Variants in GZMA observed in about 807,000 individuals in gnomAD.
The protein encoded by GZMA is CTL tryptase.
GZMA carries 17 observed loss-of-function variants against 21.1 expected under a neutral mutation model. That is an observed-to-expected ratio of 0.81 (90% CI 0.55 to 1.21). The LOEUF (loss-of-function observed/expected upper bound fraction) is 1.21. GZMA is among the 50% of genes most tolerant of loss of function. The pLI is 0.00. For missense variants in GZMA, 306 were observed against 315.9 expected, an observed-to-expected ratio of 0.97 and a Z score of 0.24; for synonymous variants, 90 against 107.8, an observed-to-expected ratio of 0.83 and a Z score of 1.03.
chr5:55,104,853 GAT>G (rs1238052888), intron 1 of GZMA, among the ~76,000 whole-genome samples: 1 of 152,148 alleles, frequency 6.6e-6, no homozygotes, highest in Non-Finnish European at 1.5e-5. Context: ...AAAGACCTTA[GAT>G]TAAACCCCAT....
At chr5:55,106,303 T>A (rs1407655531) in intron 2 of GZMA, among the ~76,000 whole-genome samples, 1 of 118,312 alleles carries the variant, frequency 8.5e-6, no homozygotes, top group Non-Finnish European at 1.7e-5. Context: ...AAATAAAATA[T>A]AAAATAAAAT....
intron 1 of GZMA, 126 bp from the exon 2 acceptor site, chr5:55,105,348 G>A: frequency 1.4e-6 from 1 of 734,858 alleles, no homozygotes; most frequent in South Asian, 1.9e-5. Flanking sequence ...AGTAAAAGCA[G>A]GGGAAATGCT....
In GZMA at chr5:55,108,224, T is replaced by TG; in HGVS notation, c.461dup (p.Arg155GlnfsTer5). 1 of 1,613,584 alleles carries TG rather than the reference T, an allele frequency of 6.2e-7. No individual in the cohort carries two copies. The highest frequency in any genetic ancestry group is 1.3e-5 in the African/African-American group (1 of 74,946). On this transcript the variant is annotated frameshift_variant, in exon 4 of 5. Transcript: ENST00000274306. LOFTEE classifies it high-confidence loss of function. ...AGGAACCATGTGCCAAGTTGCAGGGTGGGGCAGGACTCACAATAGTGCATC... is the reference window on the plus strand; with the variant it reads ...AGGAACCATGTGCCAAGTTGCAGGGTGGGGGCAGGACTCACAATAGTGCATC...
chr5:55,106,222 T>A (rs1423297202), intron 2 of GZMA, among the ~76,000 whole-genome samples: 90 of 562 alleles, frequency 0.16, 17 homozygotes, highest in Admixed American at 0.25. Context: ...AAATAAAAAA[T>A]AAAATAAAAT....
At chr5:55,108,899 T>C (rs1299677317) in intron 4 of GZMA, among the ~76,000 whole-genome samples, 2 of 152,164 alleles carry the variant, frequency 1.3e-5, no homozygotes, top group Non-Finnish European at 2.9e-5. Flanking sequence ...TAGTTTAATC[T>C]GCAGCAAACT....
rs371257704 is a variant in GZMA, at chr5:55,105,529, C to T, written c.126C>T (p.Tyr42=). ...AAGTAACTCCTCATTCAAGACCCTA[C>T]ATGGTCCTACTTAGTCTTGACAGAA... ...GNEVTPHSRP[Y]MVLLSLDRKT... is the part of the protein sequence containing the mutation. The change falls in exon 2 of 5, where the codon TAC becomes TAT. Residue 42 remains tyrosine, a synonymous_variant. Coordinates refer to ENST00000274306, the MANE Select transcript of GZMA (RefSeq NM_006144.4). The T allele has an allele frequency of 2.9e-5, 47 of 1,610,766 alleles. No homozygotes were observed. The highest frequency in any genetic ancestry group is 3.9e-5 in the Non-Finnish European group (46 of 1,177,016).
intron 3 of GZMA, 46 bp from the exon 4 acceptor site, chr5:55,108,079 A>T (rs756084513): frequency 1.4e-6 from 2 of 1,467,480 alleles, no homozygotes; most frequent in South Asian, 2.5e-5. Flanking sequence ...TTAAAATGTA[A>T]ATATTTATCT....
intron 3 of GZMA, 45 bp downstream of exon 3, chr5:55,107,980 C>T: frequency 6.4e-7 from 1 of 1,567,442 alleles, no homozygotes; most frequent in Non-Finnish European, 8.7e-7. Flanking sequence ...GAACCTTCTA[C>T]AATCTGGCCG....
intron 1 of GZMA, among the ~76,000 whole-genome samples, chr5:55,103,808 C>T (rs1465147954): frequency 6.6e-6 from 1 of 151,980 alleles, no homozygotes; most frequent in African/African-American, 2.4e-5. Flanking sequence ...GAGATGGAGA[C>T]CATCTTGGCC....
chr5:55,108,307 T>A lies in GZMA; in HGVS notation c.540T>A (p.Asn180Lys). ...NITIIDRKVC[N>K]DRNHYNFNPV... ...CCATCATAGACAGAAAAGTCTGCAA[T>A]GATCGAAATCACTATAATTTTAACC... Residue 180 changes from asparagine to lysine, a missense_variant, in exon 4 of 5, where the codon AAT becomes AAA. By Grantham distance (94) the Asn-to-Lys change is moderately conservative. Coordinates refer to ENST00000274306, the MANE Select transcript of GZMA (RefSeq NM_006144.4). The A allele has an allele frequency of 6.2e-7, 1 of 1,613,524 alleles. No homozygotes were observed. Among genetic ancestry groups the A allele is most frequent in the Non-Finnish European group, 8.5e-7 (1 of 1,179,476 alleles).
intron 1 of GZMA, among the ~76,000 whole-genome samples, chr5:55,103,123 A>G (rs1742332006): frequency 6.6e-6 from 1 of 152,192 alleles, no homozygotes; most frequent in Admixed American, 6.5e-5. Flanking sequence ...ATTGCTGCCA[A>G]TTTGTAACTT....
At chr5:55,105,007 T>G (rs556376656) in intron 1 of GZMA, among the ~76,000 whole-genome samples, 1 of 152,298 alleles carries the variant, frequency 6.6e-6, no homozygotes, top group East Asian at 1.9e-4. Flanking sequence ...GATGCTAATA[T>G]CGGTTCATAA....
At chr5:55,105,742 G>A in intron 2 of GZMA, 124 bp downstream of exon 2, 2 of 783,210 alleles carry the variant, frequency 2.6e-6, no homozygotes, top group South Asian at 3.1e-5. Flanking sequence ...GGAGGCCAAG[G>A]CAGGTGGATC....
rs759068914 is a variant in GZMA at position 55,107,916 on chromosome 5, G to A, written c.338G>A (p.Gly113Asp). 4 of 1,613,248 alleles carry A rather than the reference G, an allele frequency of 2.5e-6. No homozygotes were observed. In the East Asian group the frequency reaches 6.7e-5, roughly 27 times the overall value. ...TGCTATGACCCAGCCACACGCGAAG[G>A]TGACCTTAAACTTTTACAGGTACGT... is the stretch of plus-strand genomic sequence containing the variant. ...YPCYDPATRE[G>D]DLKLLQLMEK... Residue 113 changes from glycine to aspartate, a missense_variant, in exon 3 of 5, where the codon GGT becomes GAT. By Grantham distance (94) the Gly-to-Asp change is moderately conservative (BLOSUM62 -1). Transcript: ENST00000274306.
At position 55,108,276 on chromosome 5, in the gene GZMA, A is replaced by G. The variant is rs1742448442; in HGVS notation, c.509A>G (p.Asn170Ser). The G allele has an allele frequency of 4.3e-6, 7 of 1,613,898 alleles. No individual in the cohort carries two copies. Among genetic ancestry groups the G allele is most frequent in the African/African-American group, 1.3e-5 (1 of 75,044 alleles). The change falls in exon 4 of 5, where the codon AAT (asparagine) becomes AGT (serine). Residue 170 changes from asparagine (N) to serine (S), a missense_variant. Transcript: ENST00000274306. ...TGGTCCGATACTCTGAGAGAAGTCA[A>G]TATCACCATCATAGACAGAAAAGTC... is the stretch of plus-strand genomic sequence containing the variant. ...ASWSDTLREV[N>S]ITIIDRKVCN...
intron 4 of GZMA, among the ~76,000 whole-genome samples, chr5:55,109,446 A>G (rs922780562): frequency 1.3e-5 from 2 of 152,216 alleles, no homozygotes; most frequent in African/African-American, 4.8e-5. Flanking sequence ...GGAATTGGCT[A>G]TTGATGAATT....
rs1312693127 is a variant in GZMA at position 55,110,066 on chromosome 5, G to A, written c.673G>A (p.Val225Ile). The A allele has an allele frequency of 1.9e-6, 3 of 1,612,506 alleles. No individual in the cohort carries two copies. The highest frequency in any genetic ancestry group is 2.5e-6 in the Non-Finnish European group (3 of 1,179,344). Residue 225 changes from valine to isoleucine, a missense_variant, in exon 5 of 5, where the codon GTC becomes ATC. Transcript: ENST00000274306. ...GTTGTGCGAGGGTGTTTTCCGAGGG[G>A]TCACTTCCTTTGGCCTTGAAAATAA... is the stretch of plus-strand genomic sequence containing the variant. ...PLLCEGVFRG[V>I]TSFGLENKCG...
intron 3 of GZMA, 72 bp from the exon 4 acceptor site, chr5:55,108,053 A>T: frequency 7.1e-7 from 1 of 1,417,358 alleles, no homozygotes; most frequent in Non-Finnish European, 9.8e-7. Context: ...AGGATCCTGA[A>T]ATTTTGGACT....
At chr5:55,106,301 T>A (rs199731494) in intron 2 of GZMA, among the ~76,000 whole-genome samples, 308 of 890 alleles carry the variant, frequency 0.35, 135 homozygotes, top group Admixed American at 0.46. Flanking sequence ...TAAAATAAAA[T>A]ATAAAATAAA....
Sources: allele counts gnomAD v4.1 joint callset (sites outside exome capture counted in the v4.1 genomes callset), GRCh38; gene constraint gnomAD v4.1.1; transcripts MANE v1.5; gene names NCBI Gene and HGNC (gene_info 2026-07-23, HGNC 2026-07-21).